Variants in FAH observed in about 807,000 individuals in gnomAD.
The protein encoded by FAH is fumarylacetoacetase.
In FAH, 47 loss-of-function variants were observed where a neutral mutation model predicts 55.8. The ratio of observed to expected loss-of-function variants is 0.84; its 90% confidence interval spans 0.67 to 1.07. The LOEUF (loss-of-function observed/expected upper bound fraction) is 1.07. Ranked by LOEUF, FAH falls within the 50% of genes least tolerant of loss-of-function variation. The probability of loss-of-function intolerance (pLI) is 0.00; values close to 1 mark genes in which losing one functional copy is unlikely to be tolerated. For missense variants in FAH, 495 were observed against 545.9 expected, an observed-to-expected ratio of 0.91 and a Z score of 0.93; for synonymous variants, 199 against 207.7, an observed-to-expected ratio of 0.96 and a Z score of 0.36.
At chr15:80,185,742 G>C (rs555644985) in intron 13 of FAH, among the ~76,000 whole-genome samples, 1 of 152,316 alleles carries the variant, frequency 6.6e-6, no homozygotes, top group African/African-American at 2.4e-5. Flanking sequence ...CATGAGAACA[G>C]TATGGAGGAA....
At chr15:80,162,357 C>CATG (rs1325508078) in intron 5 of FAH, 21 bp downstream of exon 5, 1 of 1,581,574 alleles carries the variant, frequency 6.3e-7, no homozygotes. Flanking sequence ...GGCCAAATGT[C>CATG]TGCATAAGTT....
In FAH at chr15:80,156,084, C is replaced by T. The variant is rs568726643; in HGVS notation, c.82-1976C>T. 2.8e-4 allele frequency: 82 copies of T among 289,672 alleles called. 1 individual carries two copies. The highest frequency in any genetic ancestry group is 1.8e-3 in the African/African-American group (79 of 44,694). 17.9% of individuals were successfully genotyped at this position (289,672 alleles called of 1,614,324 possible). ...AGGAAGCTGGTGGAGCAGAGTGTTCCCTGACTCCTCCAAGGAAAGGGAGAC... is the reference window on the plus strand; with the variant it reads ...AGGAAGCTGGTGGAGCAGAGTGTTCTCTGACTCCTCCAAGGAAAGGGAGAC... On this transcript the variant is annotated intron_variant, in intron 1 of 13. Transcript: ENST00000561421.
intron 11 of FAH, among the ~76,000 whole-genome samples, chr15:80,179,241 T>C (rs985856094): frequency 2.6e-5 from 4 of 152,364 alleles, no homozygotes; most frequent in African/African-American, 7.2e-5. Flanking sequence ...TGCATTTCCC[T>C]AATGACTAAT....
chr15:80,183,045 C>T (rs1190990055), intron 13 of FAH, among the ~76,000 whole-genome samples: 2 of 152,142 alleles, frequency 1.3e-5, no homozygotes, highest in Non-Finnish European at 2.9e-5. Context: ...GTGTTCTTGA[C>T]ATTTGAGCCA....
In FAH at chr15:80,162,348, G is replaced by A. The variant is rs768265689; in HGVS notation, c.455+12G>A. 6 of 1,602,100 alleles carry A rather than the reference G, an allele frequency of 3.7e-6. No homozygotes were observed. Among genetic ancestry groups the A allele is most frequent in the African/African-American group, 1.3e-5 (1 of 74,654 alleles). ...TTGATGCCAAATTGGTATGAACTGG[G>A]CCAAATGTCTGCATAAGTTCAAAGT... On this transcript the variant is annotated intron_variant, in intron 5 of 13. Coordinates refer to ENST00000561421, the MANE Select transcript of FAH (RefSeq NM_000137.4).
At chr15:80,157,957 A>G (rs896453332) in intron 1 of FAH, 103 bp from the exon 2 acceptor site, 1 of 842,026 alleles carries the variant, frequency 1.2e-6, no homozygotes, top group African/African-American at 1.7e-5. Context: ...AGGGCCACCT[A>G]AAGGGGGACC....
Position 80,175,018 on chromosome 15 carries a change from C to A in FAH, c.840C>A (p.Asp280Glu), listed in dbSNP as rs1296425119. The A allele has an allele frequency of 6.2e-7, 1 of 1,613,844 alleles. No homozygotes were observed. Among genetic ancestry groups the A allele is most frequent in the African/African-American group, 1.3e-5 (1 of 74,936 alleles). Reference protein sequence around the residue: ...MPFAVPNPKQDPRPLPYLCHD... With the variant: ...MPFAVPNPKQEPRPLPYLCHD... ...TGTGCTGTGCTTTGCCCTCTCAGGA[C>A]CCCAGGCCCCTGCCGTATCTGTGCC... is the stretch of plus-strand genomic sequence containing the variant. The change falls in exon 10 of 14, where the codon GAC (aspartate) becomes GAA (glutamate). Residue 280 changes from aspartate to glutamate, a missense_variant and splice_region_variant. By Grantham distance (45) the Asp-to-Glu change is conservative. Transcript: ENST00000561421.
chr15:80,167,575 A>G (rs2142097511), intron 5 of FAH, among the ~76,000 whole-genome samples: 1 of 133,420 alleles, frequency 7.5e-6, no homozygotes, highest in Admixed American at 8.8e-5. Context: ...TCTGTTGCCT[A>G]GGCTGGAGTG....
intron 1 of FAH, chr15:80,156,405 A>C (rs914745081): frequency 1.3e-5 from 2 of 152,662 alleles, no homozygotes; most frequent in Admixed American, 6.5e-5. Context: ...ACTGTATAGC[A>C]GTATAGCTAC....
chr15:80,154,003 C>G (rs1194983294), intron 1 of FAH, among the ~76,000 whole-genome samples: 1 of 152,194 alleles, frequency 6.6e-6, no homozygotes, highest in Non-Finnish European at 1.5e-5. Flanking sequence ...GGGGTTCCCT[C>G]CTTCCCCCAT....
intron 9 of FAH, chr15:80,173,405 A>G (rs944563571): frequency 3.5e-6 from 2 of 567,220 alleles, no homozygotes; most frequent in Admixed American, 2.9e-5. Context: ...GAATCTTGCA[A>G]GACCCGGGGG....
chr15:80,160,017 C>A, intron 3 of FAH, 140 bp downstream of exon 3: 1 of 1,137,280 alleles, frequency 8.8e-7, no homozygotes, highest in South Asian at 1.4e-5. Context: ...CAGCCCCTGC[C>A]TGAGCTGCCT....
intron 1 of FAH, among the ~76,000 whole-genome samples, chr15:80,155,204 C>T (rs778833103): frequency 9.2e-5 from 14 of 152,200 alleles, no homozygotes; most frequent in South Asian, 2.1e-4. Context: ...TCACCACACC[C>T]TGTGTTTCCT....
At chr15:80,180,902 A>T in intron 12 of FAH, 140 bp from the exon 13 acceptor site, 1 of 675,848 alleles carries the variant, frequency 1.5e-6, no homozygotes, top group Admixed American at 2.0e-5. Context: ...CAGTGATCCC[A>T]CCAAGGCCGA....
chr15:80,184,931 C>T (rs2142111601), intron 13 of FAH, among the ~76,000 whole-genome samples: 1 of 152,282 alleles, frequency 6.6e-6, no homozygotes, highest in Middle Eastern at 3.4e-3. Flanking sequence ...GCTGCTCGCT[C>T]AGCACCTTGT....
At chr15:80,185,245 AC>A (rs1341529442) in intron 13 of FAH, among the ~76,000 whole-genome samples, 2 of 152,170 alleles carry the variant, frequency 1.3e-5, no homozygotes. Flanking sequence ...ACTGACACTT[AC>A]AGGGAATTTC....
At chr15:80,156,146 C>T (rs1406727212) in intron 1 of FAH, 3 of 257,480 alleles carry the variant, frequency 1.2e-5, no homozygotes, top group Non-Finnish European at 7.7e-6. Context: ...GGTGCCTTCC[C>T]AGGCACTGGC....
At chr15:80,164,548 G>A (rs924616693) in intron 5 of FAH, among the ~76,000 whole-genome samples, 10 of 148,640 alleles carry the variant, frequency 6.7e-5, no homozygotes, top group East Asian at 1.9e-4. Flanking sequence ...ACACACACAC[G>A]CATGTACACA....
intron 4 of FAH, among the ~76,000 whole-genome samples, chr15:80,160,975 G>T (rs930816612): frequency 3.9e-5 from 6 of 152,212 alleles, no homozygotes; most frequent in African/African-American, 1.4e-4. Flanking sequence ...CCTCTGCTGG[G>T]CTACCTGGGC....
Sources: gnomAD v4.1 joint callset for allele counts (sites outside exome capture counted in the v4.1 genomes callset) on GRCh38, gnomAD v4.1.1 for gene constraint, MANE v1.5 for transcripts, NCBI Gene and HGNC (gene_info 2026-07-23, HGNC 2026-07-21) for gene names.